COL9A1: variants seen among roughly 807,000 people sequenced by gnomAD.
COL9A1 encodes collagen alpha-1(IX) chain.
Under a neutral mutation model 142.6 loss-of-function variants are expected in COL9A1, and 104 were observed. The ratio of observed to expected loss-of-function variants is 0.73; its 90% CI spans 0.62 to 0.86. The LOEUF is 0.86. COL9A1 is among the 40% of genes least tolerant of loss of function. COL9A1 has a pLI of 0.00. For synonymous variants in COL9A1, 466 were observed against 396.0 expected (o/e 1.18, Z -2.10); for missense variants, 1,210 against 1,176.6 (o/e 1.03, Z -0.42).
At chr6:70,299,715 C>T (rs1201369669) in intron 4 of COL9A1, among the ~76,000 whole-genome samples, 1 of 152,134 alleles carries the variant, frequency 6.6e-6, no homozygotes, top group African/African-American at 2.4e-5. Context: ...TTTATGCTTA[C>T]CCTCTGGCAC....
intron 10 of COL9A1, among the ~76,000 whole-genome samples, chr6:70,279,174 G>T (rs1269537074): frequency 6.6e-6 from 1 of 152,062 alleles, no homozygotes; most frequent in Non-Finnish European, 1.5e-5. Context: ...ATAAATTCAA[G>T]CTACATTAGG....
Position 70,254,943 on chromosome 6 carries a change from G to A in COL9A1, c.1665+20C>T. 1 of 1,612,744 alleles carries A rather than the reference G, an allele frequency of 6.2e-7. No homozygotes were observed. On this transcript the variant is annotated intron_variant, in intron 24 of 37. Transcript: ENST00000357250. ...GCAGAGACAGCCCCACTCACTCTTG[G>A]AGTAAATTACACAGCCTACCTTTGT...
chr6:70,280,554 A>C, intron 10 of COL9A1: 1 of 1,394,468 alleles, frequency 7.2e-7, no homozygotes, highest in Non-Finnish European at 9.3e-7. Context: ...TAGAGACAGG[A>C]AGCCAGTACC....
Position 70,242,727 on chromosome 6 carries a change from C to G in COL9A1, c.1873-12G>C, listed in dbSNP as rs1770344215. ...TCTCCTCTACTGCCCTGTAAAAACACAAACATTGTCAATTGGATATTTTGC... is the reference window on the plus strand; with the variant it reads ...TCTCCTCTACTGCCCTGTAAAAACAGAAACATTGTCAATTGGATATTTTGC... On this transcript the variant is annotated splice_polypyrimidine_tract_variant and intron_variant, in intron 28 of 37. Coordinates refer to ENST00000357250, the MANE Select transcript of COL9A1 (RefSeq NM_001851.6). The G allele has an allele frequency of 6.2e-7, 1 of 1,613,076 alleles. No individual in the cohort carries two copies. The highest frequency in any genetic ancestry group is 8.5e-7 in the Non-Finnish European group (1 of 1,179,130).
chr6:70,254,511 C>G lies in COL9A1; in HGVS notation c.1684G>C (p.Gly562Arg). The change falls in exon 25 of 38, where the codon GGG (glycine) becomes CGG (arginine). Residue 562 changes from glycine to arginine, a missense_variant. Coordinates refer to ENST00000357250, the MANE Select transcript of COL9A1 (RefSeq NM_001851.6). Reference protein sequence around the residue: ...PGTKGEPGKPGPPGDAGLQGL... With the variant: ...PGTKGEPGKPRPPGDAGLQGL... ...TGCAATCCTGCATCACCAGGAGGCC[C>G]AGGTTTTCCTGGTTCACCCTGCAAA... The G allele has an allele frequency of 6.2e-7, 1 of 1,614,072 alleles. No homozygotes were observed. Among genetic ancestry groups the G allele is most frequent in the East Asian group, 2.2e-5 (1 of 44,870 alleles).
At chr6:70,293,363 A>G (rs1205850828) in intron 5 of COL9A1, among the ~76,000 whole-genome samples, 2 of 152,176 alleles carry the variant, frequency 1.3e-5, no homozygotes, top group African/African-American at 4.8e-5. Context: ...ATTCAAAATG[A>G]TAGAACTATC....
intron 5 of COL9A1, among the ~76,000 whole-genome samples, chr6:70,285,486 A>T (rs1484158815): frequency 6.6e-6 from 1 of 152,234 alleles, no homozygotes; most frequent in Non-Finnish European, 1.5e-5. Context: ...ACCTGGAATC[A>T]TTCTTCTCTT....
chr6:70,266,657 A>C (rs1351616580), intron 18 of COL9A1, 60 bp downstream of exon 18: 6 of 1,279,224 alleles, frequency 4.7e-6, no homozygotes, highest in Non-Finnish European at 5.7e-6. Context: ...AATTTCTTAT[A>C]ATGAAAGTGA....
At chr6:70,296,850 C>T (rs1042267165) in intron 4 of COL9A1, among the ~76,000 whole-genome samples, 23 of 151,718 alleles carry the variant, frequency 1.5e-4, no homozygotes, top group Admixed American at 1.5e-3. Context: ...TTATTTTTGT[C>T]CAAGATAGTT....
rs528801770 is a variant in COL9A1, at chr6:70,253,422, G to A, written c.1727C>T (p.Pro576Leu). ...AACACCCTTTGCACCAGGAATTCCA[G>A]GTACACCCTAAAAGAATACATACAC... The part of the protein sequence containing the change: ...DAGLQGLPGV[P>L]GIPGAKGVAG... The change falls in exon 26 of 38, where the codon CCT becomes CTT. Residue 576 changes from proline (P) to leucine (L), a missense_variant. By Grantham distance (98) the Pro-to-Leu change is moderately conservative (BLOSUM62 -3). Transcript: ENST00000357250. The A allele has an allele frequency of 1.9e-6, 3 of 1,605,960 alleles. No homozygotes were observed. The highest frequency in any genetic ancestry group is 1.7e-4 in the Middle Eastern group (1 of 6,046).
At chr6:70,227,139 A>G (rs191161636) in intron 36 of COL9A1, among the ~76,000 whole-genome samples, 49 of 152,236 alleles carry the variant, frequency 3.2e-4, no homozygotes, top group African/African-American at 9.1e-4. Flanking sequence ...AGTTAGATCT[A>G]TACCTCACAC....
rs1554247859 is a variant in COL9A1 at position 70,294,239 on chromosome 6, T to C, written c.624A>G (p.Pro208=). The C allele has an allele frequency of 1.2e-6, 2 of 1,613,990 alleles. No homozygotes were observed. Among genetic ancestry groups the C allele is most frequent in the African/African-American group, 1.3e-5 (1 of 74,910 alleles). Reference sequence around the variant, plus strand: ...AGCCATCAATGTCAATTGGGCCTCTTGGCTTTATAGGTAAAGATTCAATCC... The same window carrying C: ...AGCCATCAATGTCAATTGGGCCTCTCGGCTTTATAGGTAAAGATTCAATCC... ...CNRIESLPIK[P]RGPIDIDGFA... The change falls in exon 5 of 38, where the codon CCA becomes CCG. Residue 208 remains proline, a synonymous_variant. Transcript: ENST00000357250.
chr6:70,265,417 C>T (rs549153543), intron 18 of COL9A1, among the ~76,000 whole-genome samples: 37 of 148,696 alleles, frequency 2.5e-4, no homozygotes, highest in Admixed American at 9.9e-4. Flanking sequence ...ATTTAATATT[C>T]GTACACACTT....
chr6:70,278,456 A>G (rs1450786450), intron 10 of COL9A1, among the ~76,000 whole-genome samples: 1 of 152,242 alleles, frequency 6.6e-6, no homozygotes, highest in Non-Finnish European at 1.5e-5. Context: ...TGTTGGTTAA[A>G]AGAAATGTTT....
chr6:70,235,365 A>G (rs796553664), intron 33 of COL9A1, among the ~76,000 whole-genome samples: 2 of 152,242 alleles, frequency 1.3e-5, no homozygotes, highest in African/African-American at 4.8e-5. Context: ...AGGCAGGAGA[A>G]TCGCTTGAAC....
chr6:70,255,231 A>G (rs1331306147), intron 22 of COL9A1, 28 bp from the exon 23 acceptor site: 1 of 1,613,764 alleles, frequency 6.2e-7, no homozygotes, highest in Non-Finnish European at 8.5e-7. Context: ...AAGAATAGAC[A>G]AGACATGTTC....
intron 29 of COL9A1, 125 bp downstream of exon 29, chr6:70,242,537 C>T (rs1770328772): frequency 2.3e-6 from 2 of 869,176 alleles, no homozygotes; most frequent in South Asian, 1.4e-5. Flanking sequence ...ACATTGTTCT[C>T]ATATTCACAT....
chr6:70,217,412 G>A (rs910920320), intron 37 of COL9A1, among the ~76,000 whole-genome samples: 2 of 152,148 alleles, frequency 1.3e-5, no homozygotes, highest in African/African-American at 4.8e-5. Context: ...AAATGGAGAT[G>A]AACTAAGGAT....
chr6:70,252,276 T>G lies in COL9A1; in HGVS notation c.1804A>C (p.Asn602His), dbSNP rs574759360. 6.2e-7 allele frequency: 1 copy of G among 1,614,196 alleles called. No individual in the cohort carries two copies. The highest frequency in any genetic ancestry group is 1.1e-5 in the South Asian group (1 of 91,084). The change falls in exon 27 of 38, where the codon AAT (asparagine) becomes CAT (histidine). Residue 602 changes from asparagine to histidine, a missense_variant. Transcript: ENST00000357250. Reference protein sequence around the residue: ...GAPGKPGQMGNSGKPGQQGPP... With the variant: ...GAPGKPGQMGHSGKPGQQGPP... ...TGGTGTCTTACCGGTTTGCCTGAAT[T>G]TCCCATCTGACCAGGCTTCCCTGGA...
Sources: gnomAD v4.1 joint callset for allele counts (sites outside exome capture counted in the v4.1 genomes callset) on GRCh38, gnomAD v4.1.1 for gene constraint, MANE v1.5 for transcripts, NCBI Gene and HGNC (gene_info 2026-07-23, HGNC 2026-07-21) for gene names.